UGT1A7: variants seen among roughly 807,000 people sequenced by gnomAD.
The protein encoded by UGT1A7 is UDP glucuronosyltransferase family 1 member A7.
In UGT1A7, 33 loss-of-function variants were observed where a neutral mutation model predicts 45.6. The observed-to-expected ratio is 0.72, with a 90% CI of 0.55 to 0.97. UGT1A7 has a LOEUF of 0.97. UGT1A7 is among the 50% of genes least tolerant of loss of function. The probability of loss-of-function intolerance (pLI) is 0.00; values close to 1 mark genes in which losing one functional copy is unlikely to be tolerated. For synonymous variants in UGT1A7, 274 were observed against 250.6 expected, an observed-to-expected ratio of 1.09 and a Z score of -0.88; for missense variants, 684 against 666.2, an observed-to-expected ratio of 1.03 and a Z score of -0.29.
intron 1 of UGT1A7, among the ~76,000 whole-genome samples, chr2:233,704,256 C>CTTTTTTTTT (rs59925871): frequency 4.0e-5 from 5 of 123,674 alleles, no homozygotes; most frequent in African/African-American, 6.5e-5. Flanking sequence ...GCCTTTATTG[C>CTTTTTTTTT]TTTTTTTTTT....
At chr2:233,713,515 A>G (rs2125634439) in intron 1 of UGT1A7, 1 of 1,613,910 alleles carries the variant, frequency 6.2e-7, no homozygotes. Context: ...TTCTTGAGGA[A>G]CATTCCATGT....
rs568443083 is a variant in UGT1A7 at position 233,748,107 on chromosome 2, A to G, written c.856-18927A>G. The G allele has an allele frequency of 6.5e-5, 105 of 1,612,400 alleles. 3 individuals are homozygous for G. The African/African-American group carries it at 1.3e-3, about 20-fold the overall frequency. ...CGGTGTTCGTGCCTTCATCCAATCA[A>G]TGTTCCAGGCAAAACAGTTTTTAAA... On this transcript the variant is annotated intron_variant, in intron 1 of 4. Coordinates refer to ENST00000373426, the MANE Select transcript of UGT1A7 (RefSeq NM_019077.3).
At chr2:233,723,516 C>CTTTTTTTTTTTTTTTTTTTTTATTTTT (rs1162916866) in intron 1 of UGT1A7, among the ~76,000 whole-genome samples, 1 of 85,406 alleles carries the variant, frequency 1.2e-5, no homozygotes, top group Non-Finnish European at 2.3e-5. Flanking sequence ...GGTCAACAAT[C>CTTTTTTTTTTTTTTTTTTTTTATTTTT]TTTTTTTTTT....
In UGT1A7 at chr2:233,769,413, T is replaced by A; in HGVS notation, c.1295+974T>A. 1 of 1,369,868 alleles carries A rather than the reference T, an allele frequency of 7.3e-7. No homozygotes were observed. Among genetic ancestry groups the A allele is most frequent in the Non-Finnish European group, 1.0e-6 (1 of 976,294 alleles). 84.9% of individuals were successfully genotyped at this position (1,369,868 alleles called of 1,614,324 possible). Reference sequence around the variant, plus strand: ...ACTGTGTGCATATGTGCGTGTGCGTTTGTGCATGTGGCTGTGCTCATGTGT... The same window carrying A: ...ACTGTGTGCATATGTGCGTGTGCGTATGTGCATGTGGCTGTGCTCATGTGT... On this transcript the variant is annotated intron_variant, in intron 4 of 4. Coordinates refer to ENST00000373426, the MANE Select transcript of UGT1A7 (RefSeq NM_019077.3). The surrounding 1 kb of genome is among the most constrained non-coding windows in gnomAD (Gnocchi z 4.4).
intron 1 of UGT1A7, chr2:233,743,625 C>A (rs201123763): frequency 3.7e-6 from 5 of 1,367,318 alleles, no homozygotes; most frequent in Admixed American, 3.8e-5. Context: ...CTGAAGACGT[C>A]GGCTGGGTCG....
At chr2:233,724,187 G>T (rs1459882110) in intron 1 of UGT1A7, among the ~76,000 whole-genome samples, 6 of 123,410 alleles carry the variant, frequency 4.9e-5, no homozygotes, top group African/African-American at 1.1e-4. Flanking sequence ...CCTCCCGGAC[G>T]GGGTGGCTGG....
intron 1 of UGT1A7, among the ~76,000 whole-genome samples, chr2:233,707,976 C>T (rs189424052): frequency 1.3e-5 from 2 of 152,244 alleles, no homozygotes; most frequent in Non-Finnish European, 2.9e-5. Flanking sequence ...GTCTATTGCC[C>T]ACTGGGTTGT....
At chr2:233,729,533 C>T (rs746765589) in intron 1 of UGT1A7, 8 of 1,614,138 alleles carry the variant, frequency 5.0e-6, no homozygotes, top group South Asian at 3.3e-5. Context: ...CATAATGAGG[C>T]CCTGATCAGG....
intron 1 of UGT1A7, chr2:233,747,248 T>G: frequency 3.1e-6 from 5 of 1,601,666 alleles, no homozygotes; most frequent in Non-Finnish European, 4.3e-6. Context: ...CTGCTGTGGC[T>G]GGCCACAGGA....
At chr2:233,689,975 G>A in intron 1 of UGT1A7, 1 of 455,412 alleles carries the variant, frequency 2.2e-6, no homozygotes, top group Admixed American at 2.4e-5. Flanking sequence ...GGAACCCACA[G>A]GCCCCTAAAA....
At chr2:233,721,832 G>A (rs935086568) in intron 1 of UGT1A7, 5 of 515,852 alleles carry the variant, frequency 9.7e-6, no homozygotes, top group Admixed American at 3.9e-5. Flanking sequence ...TTGGGCCACC[G>A]ACCTTGTGTC....
chr2:233,752,917 C>T (rs758108184), intron 1 of UGT1A7, among the ~76,000 whole-genome samples: 1 of 152,208 alleles, frequency 6.6e-6, no homozygotes, highest in Non-Finnish European at 1.5e-5. Flanking sequence ...CTCTGAGTGA[C>T]ACTGGTATGC....
chr2:233,683,204 T>C (rs1391905237), intron 1 of UGT1A7, among the ~76,000 whole-genome samples: 2 of 152,198 alleles, frequency 1.3e-5, no homozygotes, highest in Admixed American at 1.3e-4. Flanking sequence ...AAATTGTCAC[T>C]TCTATTTTAT....
intron 1 of UGT1A7, chr2:233,752,552 G>A (rs942776893): frequency 6.6e-6 from 1 of 152,002 alleles, no homozygotes; most frequent in South Asian, 2.1e-4. Context: ...GCTCTTGCTG[G>A]GACAACATAG....
In UGT1A7 at chr2:233,681,941, G is replaced by C; in HGVS notation, c.4G>C (p.Ala2Pro). ...GGCTCTGGGCTGAAGTTCTCTGATG[G>C]CTCGTGCAGGGTGGACTGGCCTCCT... MARAGWTGLLPL... is the reference protein window; with the variant it reads MPRAGWTGLLPL... The change falls in exon 1 of 5, where the codon GCT becomes CCT. Residue 2 changes from alanine (A) to proline (P), a missense_variant. Coordinates refer to ENST00000373426, the MANE Select transcript of UGT1A7 (RefSeq NM_019077.3). The C allele has an allele frequency of 6.2e-7, 1 of 1,612,190 alleles. No homozygotes were observed. The highest frequency in any genetic ancestry group is 8.5e-7 in the Non-Finnish European group (1 of 1,178,812).
intron 1 of UGT1A7, among the ~76,000 whole-genome samples, chr2:233,701,032 C>T (rs559298566): frequency 1.3e-5 from 2 of 152,236 alleles, no homozygotes; most frequent in East Asian, 3.9e-4. Context: ...ATCCATGTCC[C>T]TACAAAGGAC....
intron 4 of UGT1A7, chr2:233,770,959 T>C (rs1275512956): frequency 1.3e-5 from 2 of 152,178 alleles, no homozygotes; most frequent in East Asian, 3.9e-4. Context: ...AGGGAGCTTT[T>C]ACTCATGGCA....
rs1278152448 is a variant in UGT1A7 at position 233,683,881 on chromosome 2, G to T, written c.855+1089G>T. 5.3e-5 allele frequency among the ~76,000 whole-genome samples: 8 copies of T among 151,824 alleles called. No individual in the cohort carries two copies. In the East Asian group the frequency reaches 1.5e-3, roughly 29 times the overall value. On this transcript the variant is annotated intron_variant, in intron 1 of 4. Coordinates refer to ENST00000373426, the MANE Select transcript of UGT1A7 (RefSeq NM_019077.3). ...TCATCTGCAAATTATTCCCTCCCCTGGTATTTATACCTCTTATTTTGGCGG... is the reference window on the plus strand; with the variant it reads ...TCATCTGCAAATTATTCCCTCCCCTTGTATTTATACCTCTTATTTTGGCGG...
At chr2:233,717,819 G>T in intron 1 of UGT1A7, 1 of 455,582 alleles carries the variant, frequency 2.2e-6, no homozygotes, top group Non-Finnish European at 4.4e-6. Flanking sequence ...TATGCAGCCC[G>T]TTCTGTTCTG....
Sources: allele counts gnomAD v4.1 joint callset (sites outside exome capture counted in the v4.1 genomes callset), GRCh38; gene constraint gnomAD v4.1.1; non-coding constraint Gnocchi (gnomAD v3.1); transcripts MANE v1.5; gene names NCBI Gene and HGNC (gene_info 2026-07-23, HGNC 2026-07-21).